MOB3A: variants seen among roughly 807,000 people sequenced by gnomAD.
MOB3A encodes the protein MOB LAK.
Under a neutral mutation model 17.8 loss-of-function variants are expected in MOB3A, and 17 were observed. That is an observed-to-expected ratio of 0.95 (90% CI 0.65 to 1.43). The LOEUF (loss-of-function observed/expected upper bound fraction) is 1.43. Ranked by LOEUF, MOB3A falls within the 40% of genes most tolerant of loss-of-function variation. The probability of loss-of-function intolerance (pLI) is 0.00; values close to 1 mark genes in which losing one functional copy is unlikely to be tolerated. For synonymous variants in MOB3A, 124 were observed against 133.2 expected (o/e 0.93, Z 0.48); for missense variants, 333 against 310.8 (o/e 1.07, Z -0.54).
chr19:2,085,480 C>T (rs2017542339), intron 1 of MOB3A, 152 bp from the exon 2 acceptor site: 1 of 152,108 alleles, frequency 6.6e-6, no homozygotes, highest in African/African-American at 2.4e-5. Flanking sequence ...CACCCACTTC[C>T]TTCCGGAGGT....
intron 1 of MOB3A, chr19:2,085,533 A>G (rs1326511036): frequency 1.3e-5 from 2 of 152,260 alleles, no homozygotes; most frequent in South Asian, 2.1e-4. Flanking sequence ...GCCCCAGAGC[A>G]CGGGAGGCGC....
At chr19:2,094,151 A>G (rs2017643441) in intron 1 of MOB3A, among the ~76,000 whole-genome samples, 1 of 143,728 alleles carries the variant, frequency 7.0e-6, no homozygotes, top group Admixed American at 7.5e-5. Flanking sequence ...GGTTCATGCC[A>G]TTCTCTTGCC....
rs572952170 is a variant in MOB3A at position 2,080,440 on chromosome 19, C to T, written c.-119-1761G>A. 1.4e-4 allele frequency among the ~76,000 whole-genome samples: 21 copies of T among 152,054 alleles called. No individual in the cohort carries two copies. In the East Asian group the frequency reaches 3.5e-3, roughly 25 times the overall value. On this transcript the variant is annotated intron_variant, in intron 2 of 4. Coordinates refer to ENST00000357066, the MANE Select transcript of MOB3A (RefSeq NM_130807.3). ...TCACCCAGGCTGGAGTGCAGTAGCG[C>T]GATCTCAGCTCACTGCAGCCTCCAC...
chr19:2,084,147 G>C (rs2017524000), intron 2 of MOB3A: 1 of 502,374 alleles, frequency 2.0e-6, no homozygotes, highest in African/African-American at 1.9e-5. Flanking sequence ...AAACAAGACA[G>C]GGCAGCCCGA....
intron 2 of MOB3A, among the ~76,000 whole-genome samples, chr19:2,079,890 A>G (rs2017464602): frequency 6.6e-6 from 1 of 152,200 alleles, no homozygotes; most frequent in Admixed American, 6.5e-5. Context: ...TGCACGCCTG[A>G]GCGGTGACTT....
chr19:2,071,684 T>C lies in MOB3A; in HGVS notation c.*1711A>G, dbSNP rs1433271896. The C allele has an allele frequency of 6.6e-6, 1 of 152,202 alleles. No individual in the cohort carries two copies. The highest frequency in any genetic ancestry group is 1.5e-5 in the Non-Finnish European group (1 of 68,058). 9.4% of individuals were successfully genotyped at this position (152,202 alleles called of 1,614,324 possible). A position where few individuals can be genotyped will look rare whatever the true frequency, so the allele number is the denominator to read the frequency against. On this transcript the variant is annotated 3_prime_UTR_variant, in exon 5 of 5. Transcript: ENST00000357066. Reference sequence around the variant, plus strand: ...TCTAGGGTACACAGAACTCATGGATTTTGGTCTCGCAGCCCCAGGGGCCAC... The same window carrying C: ...TCTAGGGTACACAGAACTCATGGATCTTGGTCTCGCAGCCCCAGGGGCCAC...
At chr19:2,077,177 G>T (rs753806942) in intron 3 of MOB3A, among the ~76,000 whole-genome samples, 164 bp from the exon 4 acceptor site, 1 of 152,160 alleles carries the variant, frequency 6.6e-6, no homozygotes, top group Non-Finnish European at 1.5e-5. Flanking sequence ...GAGGCAGGCA[G>T]ATCACTTGAG....
intron 2 of MOB3A, chr19:2,084,156 G>A (rs561516495): frequency 1.2e-5 from 6 of 500,750 alleles, no homozygotes; most frequent in East Asian, 1.1e-4. Context: ...AGGGCAGCCC[G>A]AGGAGCTTGT....
At chr19:2,085,371 C>T (rs985522579) in intron 1 of MOB3A, 43 bp from the exon 2 acceptor site, 4 of 150,856 alleles carry the variant, frequency 2.7e-5, no homozygotes, top group African/African-American at 7.3e-5. Context: ...CCTGCTGCAA[C>T]ACTTTTTTTT....
chr19:2,093,702 T>G lies in MOB3A; in HGVS notation c.-274+2524A>C, dbSNP rs1157112524. Among the ~76,000 whole-genome samples, 1 of 152,108 alleles carries G rather than the reference T, an allele frequency of 6.6e-6. No homozygotes were observed. Among genetic ancestry groups the G allele is most frequent in the Non-Finnish European group, 1.5e-5 (1 of 68,020 alleles). ...GCAAGGCCTCCACAGCCACAGGTAG[T>G]AAGCTCAGCTCCAGAGTTAAAAGAG... On this transcript the variant is annotated intron_variant, in intron 1 of 4. Coordinates refer to ENST00000357066, the MANE Select transcript of MOB3A (RefSeq NM_130807.3). This position sits in a 1 kb window ranked among gnomAD's most constrained non-coding sequence, Gnocchi z 4.6.
At chr19:2,085,498 T>TCCTGCCACTGCCTCGGGGAC (rs2017542565) in intron 1 of MOB3A, 170 bp from the exon 2 acceptor site, 1 of 151,346 alleles carries the variant, frequency 6.6e-6, no homozygotes, top group Non-Finnish European at 1.5e-5. Flanking sequence ...GGTTTCCACA[T>TCCTGCCACTGCCTCGGGGAC]CCTGCCACTG....
intron 1 of MOB3A, among the ~76,000 whole-genome samples, chr19:2,086,802 T>A (rs557119700): frequency 2.0e-5 from 3 of 151,420 alleles, no homozygotes; most frequent in African/African-American, 7.3e-5. Context: ...ACATTTTTGT[T>A]TTTTTTAGAG....
intron 4 of MOB3A, among the ~76,000 whole-genome samples, chr19:2,076,536 A>G (rs976917042): frequency 3.9e-5 from 6 of 152,174 alleles, no homozygotes; most frequent in African/African-American, 1.4e-4. Flanking sequence ...GGGACACCTG[A>G]GCTCAGGACG....
chr19:2,078,733 A>T (rs2017450463), intron 2 of MOB3A, 54 bp from the exon 3 acceptor site: 2 of 613,050 alleles, frequency 3.3e-6, no homozygotes, highest in Admixed American at 3.4e-5. Flanking sequence ...TTTCCCGGAA[A>T]CTCGTGCTGA....
intron 1 of MOB3A, among the ~76,000 whole-genome samples, chr19:2,091,275 G>A (rs1029479552): frequency 6.6e-6 from 1 of 152,168 alleles, no homozygotes; most frequent in Non-Finnish European, 1.5e-5. Context: ...AACCCAGGAC[G>A]GCCCGGCCAC....
At chr19:2,088,872 G>T (rs2017582606) in intron 1 of MOB3A, among the ~76,000 whole-genome samples, 1 of 152,118 alleles carries the variant, frequency 6.6e-6, no homozygotes, top group African/African-American at 2.4e-5. Context: ...CAAAGTGCTG[G>T]GATTATAGAC....
At chr19:2,083,444 G>A (rs2017514702) in intron 2 of MOB3A, among the ~76,000 whole-genome samples, 1 of 152,206 alleles carries the variant, frequency 6.6e-6, no homozygotes, top group Non-Finnish European at 1.5e-5. Flanking sequence ...AATCCCCTCA[G>A]GAGAAGGGAA....
At chr19:2,084,782 C>T (rs1463065168) in intron 2 of MOB3A, among the ~76,000 whole-genome samples, 5 of 151,850 alleles carry the variant, frequency 3.3e-5, no homozygotes, top group South Asian at 2.1e-4. Context: ...GTAGAGATGG[C>T]GTTTCACCAT....
chr19:2,090,905 G>A (rs970394797), intron 1 of MOB3A, among the ~76,000 whole-genome samples: 6 of 152,138 alleles, frequency 3.9e-5, no homozygotes, highest in African/African-American at 1.4e-4. Flanking sequence ...CTCGTGATCC[G>A]CCCACCTTGG....
Sources: gnomAD v4.1 joint callset for allele counts (sites outside exome capture counted in the v4.1 genomes callset) on GRCh38, gnomAD v4.1.1 for gene constraint, Gnocchi (gnomAD v3.1) non-coding constraint, MANE v1.5 for transcripts, NCBI Gene and HGNC (gene_info 2026-07-23, HGNC 2026-07-21) for gene names.